Variants in FSTL3 observed in about 807,000 individuals in gnomAD.
The protein encoded by FSTL3 is follistatin like 3.
In FSTL3, 21 loss-of-function variants were observed where a neutral mutation model predicts 28.1. The observed-to-expected ratio is 0.75, with a 90% confidence interval of 0.53 to 1.08. The LOEUF (loss-of-function observed/expected upper bound fraction) is 1.08, where lower values mean the gene tolerates loss of function less well. FSTL3 is among the 50% of genes least tolerant of loss of function. FSTL3 has a pLI of 0.00. For missense variants in FSTL3, 400 were observed against 380.9 expected (o/e 1.05, Z -0.42); for synonymous variants, 199 against 164.2 (o/e 1.21, Z -1.62).
chr19:678,395 C>G (rs1330117617), intron 2 of FSTL3, among the ~76,000 whole-genome samples: 1 of 151,678 alleles, frequency 6.6e-6, no homozygotes, highest in Non-Finnish European at 1.5e-5. Context: ...GCATTTGCCT[C>G]GGGACCCTGT....
chr19:679,294 C>T (rs1180328866), intron 2 of FSTL3, among the ~76,000 whole-genome samples: 1 of 152,190 alleles, frequency 6.6e-6, no homozygotes, highest in East Asian at 1.9e-4. Flanking sequence ...TGTGCCGGGG[C>T]CGCCCAGGTG....
At chr19:680,142 A>T in intron 2 of FSTL3, 132 bp from the exon 3 acceptor site, 1 of 439,682 alleles carries the variant, frequency 2.3e-6, no homozygotes, top group Middle Eastern at 6.7e-4. Flanking sequence ...ACTCCGACTG[A>T]CCCTGACCTG....
At chr19:677,642 A>G in intron 1 of FSTL3, 150 bp from the exon 2 acceptor site, 1 of 711,902 alleles carries the variant, frequency 1.4e-6, no homozygotes, top group Non-Finnish European at 2.3e-6. Context: ...CAGGGTGGGG[A>G]CACCCATGTG....
chr19:681,853 C>T lies in FSTL3; in HGVS notation c.*145C>T, dbSNP rs1002508527. 7.4e-5 allele frequency: 55 copies of T among 744,472 alleles called. No homozygotes were observed. In the Admixed American group the frequency reaches 8.8e-4, roughly 12 times the overall value. The allele number at this position is 744,472 out of a possible 1,614,324, so 46.1% of individuals were successfully genotyped here. A position where few individuals can be genotyped will look rare whatever the true frequency, so the allele number is the denominator to read the frequency against. On this transcript the variant is annotated 3_prime_UTR_variant, in exon 5 of 5. Coordinates refer to ENST00000166139, the MANE Select transcript of FSTL3 (RefSeq NM_005860.3). Reference sequence around the variant, plus strand: ...CTTGGGGATCCCAGAACCTCCCTGACGATATCCTGGAAGGACTGAGGAAGG... The same window carrying T: ...CTTGGGGATCCCAGAACCTCCCTGATGATATCCTGGAAGGACTGAGGAAGG...
Position 677,894 on chromosome 19 carries a change from C to T in FSTL3, c.206C>T (p.Thr69Ile), listed in dbSNP as rs2031245974. 1.2e-6 allele frequency: 2 copies of T among 1,613,590 alleles called. No individual in the cohort carries two copies. The highest frequency in any genetic ancestry group is 1.7e-6 in the Non-Finnish European group (2 of 1,179,990). Residue 69 changes from threonine to isoleucine, a missense_variant, in exon 2 of 5, where the codon ACC becomes ATC. By Grantham distance (89) the Thr-to-Ile change is moderately conservative. Coordinates refer to ENST00000166139, the MANE Select transcript of FSTL3 (RefSeq NM_005860.3). The part of the protein sequence containing the change: ...AECCASGNID[T>I]AWSNLTHPGN... ...TGCTGTGCCTCCGGCAACATTGACA[C>T]CGCCTGGTCCAACCTCACCCACCCG...
At chr19:681,619 G>A (rs751913369) in intron 4 of FSTL3, 31 bp from the exon 5 acceptor site, 27 of 1,592,136 alleles carry the variant, frequency 1.7e-5, no homozygotes, top group Non-Finnish European at 2.1e-5. Context: ...CCCCTGCCCT[G>A]CGCCCTCAAT....
rs1181646227 is a variant in FSTL3 at position 680,395 on chromosome 19, A to C, written c.411A>C (p.Ser137=). 4.7e-6 allele frequency: 6 copies of C among 1,276,088 alleles called. No homozygotes were observed. In the East Asian group the frequency reaches 1.9e-4, roughly 40 times the overall value. 79.0% of individuals were successfully genotyped at this position (1,276,088 alleles called of 1,614,324 possible). ...GLPARLQVCG[S]DGATYRDECE... is the part of the protein sequence containing the mutation. ...CGGCGCGGCTGCAGGTCTGCGGCTC[A>C]GACGGCGCCACCTACCGCGACGAGT... is the stretch of plus-strand genomic sequence containing the variant. The change falls in exon 3 of 5, where the codon TCA becomes TCC. Residue 137 remains serine, a synonymous_variant. Transcript: ENST00000166139.
Position 677,787 on chromosome 19 carries a change from C to G in FSTL3, c.104-5C>G, listed in dbSNP as rs529189263. 3 of 1,604,844 alleles carry G rather than the reference C, an allele frequency of 1.9e-6. No homozygotes were observed. Among genetic ancestry groups the G allele is most frequent in the Non-Finnish European group, 2.5e-6 (3 of 1,178,078 alleles). ...CAGGAGAGCACCCCGTTCCCCGGCC[C>G]GCAGGTGGTGTTTGCTGGCTCCAGC... On this transcript the variant is annotated splice_polypyrimidine_tract_variant and splice_region_variant and intron_variant, in intron 1 of 4. Coordinates refer to ENST00000166139, the MANE Select transcript of FSTL3 (RefSeq NM_005860.3).
chr19:677,178 TGGG>T (rs965037597), intron 1 of FSTL3, among the ~76,000 whole-genome samples: 1 of 151,580 alleles, frequency 6.6e-6, no homozygotes, highest in Non-Finnish European at 1.5e-5. Context: ...GGGGAAGAAA[TGGG>T]GGGCTCTCTG....
chr19:680,394 C>A lies in FSTL3; in HGVS notation c.410C>A (p.Ser137Ter), dbSNP rs1199632829. The A allele has an allele frequency of 7.8e-7, 1 of 1,276,430 alleles. No individual in the cohort carries two copies. Among genetic ancestry groups the A allele is most frequent in the Non-Finnish European group, 9.9e-7 (1 of 1,014,076 alleles). 79.1% of individuals were successfully genotyped at this position (1,276,430 alleles called of 1,614,324 possible). A position where few individuals can be genotyped will look rare whatever the true frequency, so the allele number is the denominator to read the frequency against. The change falls in exon 3 of 5, where the codon TCA becomes TAA. Residue 137 changes from serine to a stop codon, truncating the protein, a stop_gained. Transcript: ENST00000166139. LOFTEE classifies it high-confidence loss of function. ...GLPARLQVCG[S>*]DGATYRDECE... ...CCGGCGCGGCTGCAGGTCTGCGGCT[C>A]AGACGGCGCCACCTACCGCGACGAG... is the stretch of plus-strand genomic sequence containing the variant.
rs1197324272 is a variant in FSTL3, at chr19:676,449, T to G, written c.26T>G (p.Leu9Arg). ...ATGCGTCCCGGGGCGCCAGGGCCAC[T>G]CTGGCCTCTGCCCTGGGGGGCCCTG... The part of the protein sequence containing the change: MRPGAPGP[L>R]WPLPWGALAW... Residue 9 changes from leucine to arginine, a missense_variant, in exon 1 of 5, where the codon CTC becomes CGC. Coordinates refer to ENST00000166139, the MANE Select transcript of FSTL3 (RefSeq NM_005860.3). 1.6e-6 allele frequency: 2 copies of G among 1,213,894 alleles called. No individual in the cohort carries two copies. Among genetic ancestry groups the G allele is most frequent in the East Asian group, 3.4e-5 (1 of 29,086 alleles). The allele number at this position is 1,213,894 out of a possible 1,614,324, so 75.2% of individuals were successfully genotyped here.
rs1428121973 is a variant in FSTL3 at position 683,182 on chromosome 19, A to T, written c.*1474A>T. ...TCAGACCAGCTATGGGGAGAGGACAACACGGAGGATATCCAGCTTCCCCGG... is the reference window on the plus strand; with the variant it reads ...TCAGACCAGCTATGGGGAGAGGACATCACGGAGGATATCCAGCTTCCCCGG... On this transcript the variant is annotated 3_prime_UTR_variant, in exon 5 of 5. Transcript: ENST00000166139. 1 of 232,844 alleles carries T rather than the reference A, an allele frequency of 4.3e-6. No homozygotes were observed. Among genetic ancestry groups the T allele is most frequent in the Admixed American group, 5.6e-5 (1 of 17,744 alleles). The allele number at this position is 232,844 out of a possible 1,614,324, so 14.4% of individuals were successfully genotyped here. A position where few individuals can be genotyped will look rare whatever the true frequency, so the allele number is the denominator to read the frequency against.
chr19:677,976 A>G lies in FSTL3; in HGVS notation c.288A>G (p.Lys96=), dbSNP rs1439309859. ...FLGLVHCLPC[K]DSCDGVECGP... ...GCCTTGTCCACTGCCTTCCCTGCAA[A>G]GGTGAGACCTCAGGCCAGAAGCAGG... The change falls in exon 2 of 5, where the codon AAA becomes AAG. Residue 96 remains lysine, a splice_region_variant and synonymous_variant. Transcript: ENST00000166139. 6.8e-6 allele frequency: 11 copies of G among 1,612,410 alleles called. No homozygotes were observed. Among genetic ancestry groups the G allele is most frequent in the Non-Finnish European group, 1.7e-6 (2 of 1,179,622 alleles).
In FSTL3 at chr19:681,556, C is replaced by T. The variant is rs1407657429; in HGVS notation, c.729C>T (p.Cys243=). Reference sequence around the variant, plus strand: ...TCGGCGTGCGCCACGCGGGCAGCTGCGCAGGTGCAGACGCAGGGCGGGGGC... The same window carrying T: ...TCGGCGTGCGCCACGCGGGCAGCTGTGCAGGTGCAGACGCAGGGCGGGGGC... ...RSIGVRHAGS[C]AGTPEEPPGG... is the part of the protein sequence containing the mutation. Residue 243 remains cysteine (C), a synonymous_variant, in exon 4 of 5, where the codon TGC becomes TGT. Coordinates refer to ENST00000166139, the MANE Select transcript of FSTL3 (RefSeq NM_005860.3). 3.1e-6 allele frequency: 5 copies of T among 1,607,180 alleles called. No homozygotes were observed. The highest frequency in any genetic ancestry group is 8.5e-7 in the Non-Finnish European group (1 of 1,178,418).
intron 2 of FSTL3, among the ~76,000 whole-genome samples, chr19:678,746 A>G (rs2031265809): frequency 6.6e-6 from 1 of 152,106 alleles, no homozygotes; most frequent in South Asian, 2.1e-4. Context: ...CCTGACCTCA[A>G]GTGATCTGCC....
chr19:678,499 G>GTTTTT (rs746126061), intron 2 of FSTL3, among the ~76,000 whole-genome samples: 6 of 91,202 alleles, frequency 6.6e-5, no homozygotes, highest in African/African-American at 1.1e-4. Context: ...GAGGATGATG[G>GTTTTT]TTTTTTTTTT....
chr19:680,402 G>T lies in FSTL3; in HGVS notation c.418G>T (p.Ala140Ser). The stretch of plus-strand genomic sequence containing the variant: ...GCTGCAGGTCTGCGGCTCAGACGGC[G>T]CCACCTACCGCGACGAGTGCGAGCT... The part of the protein sequence containing the change: ...ARLQVCGSDG[A>S]TYRDECELRA... The change falls in exon 3 of 5, where the codon GCC (alanine) becomes TCC (serine). Residue 140 changes from alanine (A) to serine (S), a missense_variant. By Grantham distance (99) the Ala-to-Ser change is moderately conservative (BLOSUM62 1). Coordinates refer to ENST00000166139, the MANE Select transcript of FSTL3 (RefSeq NM_005860.3). The T allele has an allele frequency of 1.6e-6, 2 of 1,273,482 alleles. No individual in the cohort carries two copies. Among genetic ancestry groups the T allele is most frequent in the South Asian group, 2.7e-5 (1 of 36,950 alleles). 78.9% of individuals were successfully genotyped at this position (1,273,482 alleles called of 1,614,324 possible).
chr19:682,655 G>T lies in FSTL3; in HGVS notation c.*947G>T. 4.3e-6 allele frequency: 1 copy of T among 233,478 alleles called. No individual in the cohort carries two copies. The allele number at this position is 233,478 out of a possible 1,614,324, so 14.5% of individuals were successfully genotyped here. On this transcript the variant is annotated 3_prime_UTR_variant, in exon 5 of 5. Transcript: ENST00000166139. ...GTGCTCCTGACACGGGCTGTGCTTG[G>T]CCACAGAACCACCCAGCGTCTCCCC...
Position 682,053 on chromosome 19 carries a change from G to C in FSTL3, c.*345G>C. On this transcript the variant is annotated 3_prime_UTR_variant, in exon 5 of 5. Transcript: ENST00000166139. Reference sequence around the variant, plus strand: ...CTATTAATTATTGCTACTATCAAGAGGGCTGGGCATTCTCTGCTGGTAATT... The same window carrying C: ...CTATTAATTATTGCTACTATCAAGACGGCTGGGCATTCTCTGCTGGTAATT... 2.3e-6 allele frequency: 1 copy of C among 440,578 alleles called. No homozygotes were observed. Among genetic ancestry groups the C allele is most frequent in the Non-Finnish European group, 4.2e-6 (1 of 238,240 alleles). The allele number at this position is 440,578 out of a possible 1,614,324, so 27.3% of individuals were successfully genotyped here.
Sources: allele counts gnomAD v4.1 joint callset (sites outside exome capture counted in the v4.1 genomes callset), GRCh38; gene constraint gnomAD v4.1.1; transcripts MANE v1.5; gene names NCBI Gene and HGNC (gene_info 2026-07-23, HGNC 2026-07-21).